Variants in GRID2 observed in about 807,000 individuals in gnomAD.
GRID2 encodes the protein glutamate ionotropic receptor delta type subunit 2.
Under a neutral mutation model 114.8 loss-of-function variants are expected in GRID2, and 33 were observed. The observed-to-expected ratio is 0.29, with a 90% confidence interval of 0.22 to 0.38. GRID2 has a LOEUF of 0.38. Among genes scored for constraint, GRID2 ranks in the 10% least tolerant of loss-of-function variants. The pLI is 1.00. For missense variants in GRID2, 1,184 were observed against 1,257.7 expected (o/e 0.94, Z 0.89); for synonymous variants, 505 against 449.9 (o/e 1.12, Z -1.55).
At chr4:92,745,449 G>A (rs1417850248) in intron 2 of GRID2, among the ~76,000 whole-genome samples, 1 of 151,846 alleles carries the variant, frequency 6.6e-6, no homozygotes, top group Non-Finnish European at 1.5e-5. Context: ...ATACCTATAG[G>A]TCCATGTTTA....
chr4:93,426,253 G>A (rs973934066), intron 10 of GRID2, among the ~76,000 whole-genome samples: 1 of 152,058 alleles, frequency 6.6e-6, no homozygotes, highest in African/African-American at 2.4e-5. Flanking sequence ...ATGGGCAATC[G>A]TCAGTCCTCT....
intron 14 of GRID2, among the ~76,000 whole-genome samples, chr4:93,678,366 CA>C (rs1725134076): frequency 6.6e-6 from 1 of 152,080 alleles, no homozygotes; most frequent in African/African-American, 2.4e-5. Context: ...GGATATTATC[CA>C]GGACAACTTC....
chr4:93,130,178 G>A (rs766105045), intron 4 of GRID2, among the ~76,000 whole-genome samples: 6 of 152,164 alleles, frequency 3.9e-5, no homozygotes, highest in South Asian at 2.1e-4. Context: ...GGTGGCTCAC[G>A]CCTGTAATCC....
intron 1 of GRID2, among the ~76,000 whole-genome samples, chr4:92,457,557 G>A (rs965521928): frequency 6.6e-6 from 1 of 152,122 alleles, no homozygotes; most frequent in Non-Finnish European, 1.5e-5. Flanking sequence ...ATTAAGGGAT[G>A]TCTCATCCTG....
At chr4:93,332,299 T>A (rs5860323) in intron 8 of GRID2, among the ~76,000 whole-genome samples, 32,305 of 120,220 alleles carry the variant, frequency 0.27, 6,083 homozygotes, top group African/African-American at 0.55. Flanking sequence ...TGTGTGTGTG[T>A]GAGAGAGAGA....
intron 2 of GRID2, among the ~76,000 whole-genome samples, chr4:92,974,787 A>G (rs1290072480): frequency 6.6e-6 from 1 of 152,134 alleles, no homozygotes; most frequent in African/African-American, 2.4e-5. Context: ...ACATCTATGT[A>G]ACAAAACTGC....
chr4:93,622,324 C>T (rs1742284497), intron 13 of GRID2, among the ~76,000 whole-genome samples: 3 of 152,128 alleles, frequency 2.0e-5, no homozygotes, highest in Admixed American at 2.0e-4. Flanking sequence ...ATATCAAGCC[C>T]CACGTATATA....
At chr4:92,709,339 G>A (rs1226272235) in intron 2 of GRID2, among the ~76,000 whole-genome samples, 1 of 151,818 alleles carries the variant, frequency 6.6e-6, no homozygotes, top group African/African-American at 2.4e-5. Flanking sequence ...ACAACATTCT[G>A]CCTGCCACTG....
chr4:93,064,774 G>A (rs17329945), intron 2 of GRID2, among the ~76,000 whole-genome samples: 82,876 of 151,624 alleles, frequency 0.55, 24,916 homozygotes, highest in African/African-American at 0.79. Flanking sequence ...CAAATAGTTG[G>A]TGTCAGTCTT....
Position 93,663,271 on chromosome 4 carries a change from C to T in GRID2, c.2360+36836C>T, listed in dbSNP as rs1269979771. On this transcript the variant is annotated intron_variant, in intron 14 of 15. Transcript: ENST00000282020. ...CAGCAGAACATAGTGCCTACAGCCT[C>T]CCTTCAGTGATTCATACAGTTATGG... Among the ~76,000 whole-genome samples, 3 of 152,122 alleles carry T rather than the reference C, an allele frequency of 2.0e-5. 1 individual carries two copies. The highest frequency in any genetic ancestry group is 4.4e-5 in the Non-Finnish European group (3 of 68,020).
chr4:93,611,580 G>A (rs1740920725), intron 13 of GRID2, among the ~76,000 whole-genome samples: 1 of 141,378 alleles, frequency 7.1e-6, no homozygotes, highest in Non-Finnish European at 1.5e-5. Context: ...GTACCCAGTA[G>A]TCATTCAGGA....
chr4:92,965,351 C>A (rs1393802192), intron 2 of GRID2, among the ~76,000 whole-genome samples: 4 of 147,020 alleles, frequency 2.7e-5, no homozygotes, highest in African/African-American at 1.0e-4. Flanking sequence ...TGAGAATTAC[C>A]AAAGTGTGAC....
intron 9 of GRID2, among the ~76,000 whole-genome samples, chr4:93,413,629 T>C (rs955569035): frequency 6.6e-6 from 1 of 152,222 alleles, no homozygotes; most frequent in Non-Finnish European, 1.5e-5. Flanking sequence ...TAATTTGTAT[T>C]CCCCAAAGGT....
chr4:93,427,005 T>G (rs1473325520), intron 10 of GRID2, among the ~76,000 whole-genome samples: 4 of 151,842 alleles, frequency 2.6e-5, no homozygotes, highest in African/African-American at 4.8e-5. Context: ...ATTGAGAAAA[T>G]GGGTTGTCAT....
At chr4:93,702,895 A>G (rs916575339) in intron 14 of GRID2, among the ~76,000 whole-genome samples, 8 of 152,260 alleles carry the variant, frequency 5.3e-5, no homozygotes, top group East Asian at 1.9e-4. Context: ...GAGAAGTACT[A>G]TGGATAAAAA....
chr4:92,545,574 T>C (rs1726205464), intron 1 of GRID2, among the ~76,000 whole-genome samples: 1 of 152,208 alleles, frequency 6.6e-6, no homozygotes, highest in Non-Finnish European at 1.5e-5. Context: ...ATTGGCATAC[T>C]TTAAAGTTCA....
At chr4:93,108,684 G>T (rs528142231) in intron 3 of GRID2, among the ~76,000 whole-genome samples, 3 of 149,648 alleles carry the variant, frequency 2.0e-5, no homozygotes, top group Non-Finnish European at 3.0e-5. Flanking sequence ...AGGCTGGAGT[G>T]CAGTGGCATG....
Position 93,657,600 on chromosome 4 carries a change from A to G in GRID2, c.2360+31165A>G, listed in dbSNP as rs540721365. ...CAAGTAATACTACACTCTTTGATTC[A>G]TACCTGTGCACCAAAGGCTCAAGCG... On this transcript the variant is annotated intron_variant, in intron 14 of 15. Transcript: ENST00000282020. Among the ~76,000 whole-genome samples the G allele has an allele frequency of 4.6e-5, 7 of 152,276 alleles. No individual in the cohort carries two copies. The South Asian group carries it at 1.4e-3, about 32-fold the overall frequency.
At chr4:92,934,362 T>G (rs1038654732) in intron 2 of GRID2, among the ~76,000 whole-genome samples, 1 of 151,592 alleles carries the variant, frequency 6.6e-6, no homozygotes, top group Non-Finnish European at 1.5e-5. Flanking sequence ...ATGCTTGTGG[T>G]TTTTGTACAT....
Sources: allele counts gnomAD v4.1 joint callset (sites outside exome capture counted in the v4.1 genomes callset), GRCh38; gene constraint gnomAD v4.1.1; transcripts MANE v1.5; gene names NCBI Gene and HGNC (gene_info 2026-07-23, HGNC 2026-07-21).